Variants in MBD5 observed in about 807,000 individuals in gnomAD.
The protein encoded by MBD5 is methyl-CpG-binding domain protein 5.
In MBD5, 13 loss-of-function variants were observed where a neutral mutation model predicts 117.3. That is an observed-to-expected ratio of 0.11 (90% CI 0.07 to 0.18). MBD5 has a LOEUF of 0.18. MBD5 is among the 10% of genes least tolerant of loss of function. MBD5 has a pLI of 1.00. For synonymous variants in MBD5, 727 were observed against 766.4 expected (o/e 0.95, Z 0.85); for missense variants, 1,879 against 2,093.8 (o/e 0.90, Z 2.00).
intron 1 of MBD5, among the ~76,000 whole-genome samples, chr2:148,102,766 A>AGG (rs1159527843): frequency 0.022 from 2,955 of 135,182 alleles, 62 homozygotes; most frequent in African/African-American, 0.044. Context: ...AGAGAGGAAG[A>AGG]GAGAGAGAGA....
intron 4 of MBD5, among the ~76,000 whole-genome samples, chr2:148,443,761 T>G (rs1574428850): frequency 6.7e-6 from 1 of 150,046 alleles, no homozygotes; most frequent in African/African-American, 2.5e-5. Context: ...GTAGTGGGGG[T>G]TTTTGGGGAG....
At chr2:148,361,759 G>T (rs1703540367) in intron 4 of MBD5, among the ~76,000 whole-genome samples, 1 of 152,164 alleles carries the variant, frequency 6.6e-6, no homozygotes, top group Non-Finnish European at 1.5e-5. Context: ...GCTCCGGTCT[G>T]CAGCTCCCAG....
chr2:148,465,207 G>T (rs925453965), intron 7 of MBD5, among the ~76,000 whole-genome samples: 3 of 152,066 alleles, frequency 2.0e-5, no homozygotes, highest in Non-Finnish European at 4.4e-5. Context: ...GATGATGTTA[G>T]CTCCTCATCA....
intron 1 of MBD5, among the ~76,000 whole-genome samples, chr2:148,102,311 A>G (rs1254006351): frequency 6.6e-6 from 1 of 152,222 alleles, no homozygotes; most frequent in Non-Finnish European, 1.5e-5. Flanking sequence ...ATCAAAAAAC[A>G]AAAAACCTAG....
intron 1 of MBD5, among the ~76,000 whole-genome samples, chr2:148,169,940 C>T (rs1390742440): frequency 1.3e-5 from 2 of 150,174 alleles, no homozygotes; most frequent in Non-Finnish European, 2.9e-5. Context: ...CTCTGTAGCC[C>T]AGGCTGGAGT....
chr2:148,324,751 G>T (rs1464680049), intron 3 of MBD5, among the ~76,000 whole-genome samples: 6 of 152,088 alleles, frequency 3.9e-5, no homozygotes, highest in African/African-American at 1.4e-4. Flanking sequence ...CAAGGGGGTT[G>T]TCTAGATATA....
At chr2:148,381,208 T>G (rs1283019479) in intron 4 of MBD5, among the ~76,000 whole-genome samples, 1 of 152,030 alleles carries the variant, frequency 6.6e-6, no homozygotes. Context: ...GCAAAGAAGT[T>G]AAAAACTTTG....
intron 3 of MBD5, among the ~76,000 whole-genome samples, chr2:148,254,222 A>G (rs1225847473): frequency 6.6e-6 from 1 of 152,216 alleles, no homozygotes; most frequent in East Asian, 1.9e-4. Flanking sequence ...ACCCACTCGC[A>G]GGGCTGCTAT....
chr2:148,426,099 G>A (rs909958504), intron 4 of MBD5, among the ~76,000 whole-genome samples: 1 of 152,196 alleles, frequency 6.6e-6, no homozygotes, highest in African/African-American at 2.4e-5. Context: ...TACAAGGGAT[G>A]TGAAGGACCT....
intron 3 of MBD5, among the ~76,000 whole-genome samples, chr2:148,339,748 A>AAAAT (rs978652313): frequency 3.9e-5 from 6 of 152,160 alleles, no homozygotes; most frequent in South Asian, 2.1e-4. Context: ...CTCTATACAA[A>AAAAT]AAATAAATAA....
chr2:148,479,451 T>C (rs1267092074), intron 8 of MBD5, among the ~76,000 whole-genome samples: 1 of 152,218 alleles, frequency 6.6e-6, no homozygotes, highest in African/African-American at 2.4e-5. Context: ...TTTTTAATAC[T>C]AACAAATATT....
chr2:148,370,404 G>A (rs1051270613), intron 4 of MBD5, among the ~76,000 whole-genome samples: 21 of 152,114 alleles, frequency 1.4e-4, no homozygotes, highest in Admixed American at 3.3e-4. Flanking sequence ...AAATATTACT[G>A]TTTGGTGATT....
intron 3 of MBD5, among the ~76,000 whole-genome samples, chr2:148,306,912 T>C (rs1480984898): frequency 1.3e-5 from 2 of 152,170 alleles, no homozygotes; most frequent in African/African-American, 4.8e-5. Context: ...CATATACTCA[T>C]AGAAATAGAA....
chr2:148,411,512 CTTTTTT>C (rs1188326755), intron 4 of MBD5, among the ~76,000 whole-genome samples: 1 of 97,450 alleles, frequency 1.0e-5, no homozygotes, highest in South Asian at 3.6e-4. Context: ...AGCATCTGTT[CTTTTTT>C]TTTTTTTTTT....
chr2:148,380,219 A>AT (rs1189253428), intron 4 of MBD5, among the ~76,000 whole-genome samples: 1 of 152,186 alleles, frequency 6.6e-6, no homozygotes, highest in African/African-American at 2.4e-5. Flanking sequence ...ATAGCCTCTG[A>AT]ATATATAAAA....
At chr2:148,148,807 T>A (rs963002955) in intron 1 of MBD5, among the ~76,000 whole-genome samples, 6 of 152,190 alleles carry the variant, frequency 3.9e-5, no homozygotes, top group Non-Finnish European at 8.8e-5. Flanking sequence ...AGACAGCCCC[T>A]AATTTAGCAT....
intron 13 of MBD5, among the ~76,000 whole-genome samples, chr2:148,511,764 AT>A (rs1247931955): frequency 6.6e-6 from 1 of 152,260 alleles, no homozygotes; most frequent in East Asian, 1.9e-4. Context: ...AAAAATGTGT[AT>A]GGAGAAGATT....
chr2:148,130,595 A>G (rs1469906008), intron 1 of MBD5, among the ~76,000 whole-genome samples: 2 of 151,596 alleles, frequency 1.3e-5, no homozygotes, highest in Non-Finnish European at 2.9e-5. Flanking sequence ...AGAGGAACCT[A>G]TCTCACAGAC....
chr2:148,443,726 G>A (rs1706402747), intron 4 of MBD5, among the ~76,000 whole-genome samples: 1 of 151,114 alleles, frequency 6.6e-6, no homozygotes, highest in Non-Finnish European at 1.5e-5. Context: ...TAGAAGGATG[G>A]TTATGTTACC....
Sources: allele counts gnomAD v4.1 joint callset (sites outside exome capture counted in the v4.1 genomes callset), GRCh38; gene constraint gnomAD v4.1.1; transcripts MANE v1.5; gene names NCBI Gene and HGNC (gene_info 2026-07-23, HGNC 2026-07-21).